GRIP1: variants seen among roughly 807,000 people sequenced by gnomAD.
GRIP1 encodes the protein glutamate receptor interacting protein 1, also known as glutamate receptor-interacting protein 1.
In GRIP1, 45 loss-of-function variants were observed where a neutral mutation model predicts 129.9. That is an observed-to-expected ratio of 0.35 (90% CI 0.27 to 0.44). The LOEUF (loss-of-function observed/expected upper bound fraction) is 0.44. GRIP1 is among the 20% of genes least tolerant of loss of function. The pLI is 1.00. For synonymous variants in GRIP1, 530 were observed against 520.8 expected (o/e 1.02, Z -0.24); for missense variants, 1,196 against 1,396.8 (o/e 0.86, Z 2.29).
intron 1 of GRIP1, among the ~76,000 whole-genome samples, chr12:66,629,698 A>G (rs1446130187): frequency 6.6e-6 from 1 of 152,210 alleles, no homozygotes; most frequent in African/African-American, 2.4e-5. Flanking sequence ...TACAAACCAC[A>G]CTGGACCTAC....
At chr12:66,550,008 G>A (rs553247121) in intron 2 of GRIP1, among the ~76,000 whole-genome samples, 55 of 152,154 alleles carry the variant, frequency 3.6e-4, no homozygotes, top group Non-Finnish European at 6.3e-4. Context: ...GATGTTGACT[G>A]TTTTTCTGGC....
rs934839494 is a variant in GRIP1 at position 66,610,843 on chromosome 12, C to G, written c.56-13916G>C. On this transcript the variant is annotated intron_variant, in intron 1 of 24. Transcript: ENST00000359742. ...ACATTGCAGAGGTGGGAATGAATAC[C>G]ATTTATAATATGTACTATTCATACA... 3.3e-5 allele frequency among the ~76,000 whole-genome samples: 5 copies of G among 152,010 alleles called. No individual in the cohort carries two copies. In the East Asian group the frequency reaches 9.6e-4, roughly 29 times the overall value.
chr12:66,445,603 G>A, intron 11 of GRIP1, 95 bp from the exon 12 acceptor site: 1 of 818,752 alleles, frequency 1.2e-6, no homozygotes, highest in Non-Finnish European at 1.9e-6. Context: ...CATAAAAACT[G>A]AATGGCAATG....
At chr12:66,623,364 CAG>C (rs2065358368) in intron 1 of GRIP1, among the ~76,000 whole-genome samples, 2 of 152,176 alleles carry the variant, frequency 1.3e-5, no homozygotes, top group Admixed American at 1.3e-4. Flanking sequence ...GGAAATGAAA[CAG>C]AAGCACAGAG....
At chr12:66,919,802 T>C (rs2041183977) in intron 1 of GRIP1, among the ~76,000 whole-genome samples, 1 of 152,122 alleles carries the variant, frequency 6.6e-6, no homozygotes, top group Non-Finnish European at 1.5e-5. Flanking sequence ...GACACTCAAA[T>C]AAAGAGCTGG....
intron 23 of GRIP1, among the ~76,000 whole-genome samples, chr12:66,368,233 G>A (rs1048666977): frequency 6.6e-6 from 1 of 152,056 alleles, no homozygotes; most frequent in Non-Finnish European, 1.5e-5. Context: ...ACCTGCAGGA[G>A]CTGGAGTGTT....
intron 1 of GRIP1, among the ~76,000 whole-genome samples, chr12:66,703,060 T>G (rs1423423432): frequency 6.6e-6 from 1 of 152,144 alleles, no homozygotes. Context: ...GGATAGAGTC[T>G]GCAACATTGC....
intron 14 of GRIP1, among the ~76,000 whole-genome samples, chr12:66,424,603 G>A (rs1177761575): frequency 6.6e-6 from 1 of 151,966 alleles, no homozygotes; most frequent in Non-Finnish European, 1.5e-5. Context: ...ATAATTTTTG[G>A]TATTTATTGA....
chr12:66,832,110 G>C (rs2137020528), intron 1 of GRIP1, among the ~76,000 whole-genome samples: 1 of 152,258 alleles, frequency 6.6e-6, no homozygotes, highest in East Asian at 1.9e-4. Context: ...GTACACTTAA[G>C]ACCTGTACAC....
intron 1 of GRIP1, among the ~76,000 whole-genome samples, chr12:66,949,315 G>C (rs1469154549): frequency 6.6e-6 from 1 of 152,074 alleles, no homozygotes; most frequent in Non-Finnish European, 1.5e-5. Context: ...AATTTTGAGA[G>C]TTTTCTATAA....
At chr12:66,436,578 A>T (rs10784535) in intron 13 of GRIP1, among the ~76,000 whole-genome samples, 100,723 of 152,086 alleles carry the variant, frequency 0.66, 34,574 homozygotes, top group Non-Finnish European at 0.77. Flanking sequence ...TAAGAAATAT[A>T]AAAAATTTAA....
chr12:66,642,506 C>T (rs182686726), intron 1 of GRIP1, among the ~76,000 whole-genome samples: 9 of 152,148 alleles, frequency 5.9e-5, no homozygotes, highest in African/African-American at 1.4e-4. Flanking sequence ...ATTAAAGAGT[C>T]GGAGCCTTAT....
chr12:66,747,288 G>C (rs955714555), intron 1 of GRIP1, among the ~76,000 whole-genome samples: 2 of 152,012 alleles, frequency 1.3e-5, no homozygotes, highest in Admixed American at 6.6e-5. Context: ...TGAAAACTAA[G>C]CTAACAAAAA....
chr12:66,566,909 T>C (rs1323491089), intron 2 of GRIP1, among the ~76,000 whole-genome samples: 1 of 152,192 alleles, frequency 6.6e-6, no homozygotes, highest in African/African-American at 2.4e-5. Context: ...GATTTTCTAG[T>C]TTATTTTCAT....
At position 66,539,060 on chromosome 12, in the gene GRIP1, G is replaced by A; in HGVS notation, c.418+18C>T. The A allele has an allele frequency of 6.8e-6, 11 of 1,609,586 alleles. No individual in the cohort carries two copies. Among genetic ancestry groups the A allele is most frequent in the Non-Finnish European group, 9.4e-6 (11 of 1,175,912 alleles). On this transcript the variant is annotated intron_variant, in intron 4 of 24. Coordinates refer to ENST00000359742, the MANE Select transcript of GRIP1 (RefSeq NM_001366722.1). ...TTGGAATGTATCCCCTATGGATAAG[G>A]GGGGCTACTGTACTTACAGACCGGT...
chr12:66,757,415 AT>A (rs553900234), intron 1 of GRIP1, among the ~76,000 whole-genome samples: 4 of 151,842 alleles, frequency 2.6e-5, no homozygotes, highest in Non-Finnish European at 4.4e-5. Flanking sequence ...ATAAGATCTC[AT>A]TTTTTTTGTC....
At chr12:67,062,097 AT>A (rs2043546327) in intron 1 of GRIP1, among the ~76,000 whole-genome samples, 1 of 152,110 alleles carries the variant, frequency 6.6e-6, no homozygotes, top group African/African-American at 2.4e-5. Flanking sequence ...CCCTTTTCAA[AT>A]GTTTCCTCCC....
At position 66,786,109 on chromosome 12, in the gene GRIP1, G is replaced by T. The variant is rs182341900; in HGVS notation, c.-420+17944C>A. The stretch of plus-strand genomic sequence containing the variant: ...CAAAAAAATAAAAATAAAGCAATTT[G>T]GTTTAGCAAGTGACACTAAGTTTTT... On this transcript the variant is annotated intron_variant, in intron 1 of 4. Coordinates refer to the GRIP1 transcript ENST00000538373. Among the ~76,000 whole-genome samples the T allele has an allele frequency of 3.1e-3, 469 of 152,100 alleles. 2 individuals are homozygous for T. The highest frequency in any genetic ancestry group is 0.011 in the African/African-American group (446 of 41,506).
At chr12:66,660,054 T>TCTA (rs2033403698) in intron 1 of GRIP1, among the ~76,000 whole-genome samples, 3 of 152,182 alleles carry the variant, frequency 2.0e-5, no homozygotes, top group Admixed American at 2.0e-4. Flanking sequence ...AACTAAAGTA[T>TCTA]CTACTGTTTT....
Sources: gnomAD v4.1 joint callset for allele counts (sites outside exome capture counted in the v4.1 genomes callset) on GRCh38, gnomAD v4.1.1 for gene constraint, MANE v1.5 for transcripts, NCBI Gene and HGNC (gene_info 2026-07-23, HGNC 2026-07-21) for gene names.